The following CCDC125 variants were observed in gnomAD, a reference collection of about 807,000 sequenced individuals.
CCDC125 encodes coiled-coil domain-containing protein 125.
Under a neutral mutation model 57.4 loss-of-function variants are expected in CCDC125, and 43 were observed. The observed-to-expected ratio is 0.75, with a 90% CI of 0.59 to 0.97. The LOEUF is 0.97. CCDC125 is among the 50% of genes least tolerant of loss of function. CCDC125 has a pLI of 0.00. For synonymous variants in CCDC125, 187 were observed against 195.2 expected (o/e 0.96, Z 0.35); for missense variants, 563 against 595.7 (o/e 0.95, Z 0.57).
At chr5:69,316,137 C>A (rs4478268) in intron 2 of CCDC125, among the ~76,000 whole-genome samples, 59,170 of 152,010 alleles carry the variant, frequency 0.39, 12,095 homozygotes, top group East Asian at 0.49. Context: ...ATACAGGCTT[C>A]CAAGGAGGGC....
At chr5:69,279,844 C>CT (rs1752382053), downstream of CCDC125, among the ~76,000 whole-genome samples, 1 of 68,918 alleles carries the variant, frequency 1.5e-5, no homozygotes, top group South Asian at 5.3e-4. Context: ...AAGAATACTA[C>CT]CCAAGACTCA....
rs1579919831 is a variant in CCDC125, at chr5:69,282,818, A to C, written c.1447T>G (p.Cys483Gly). The C allele has an allele frequency of 3.1e-6, 5 of 1,613,984 alleles. 1 individual carries two copies. In the East Asian group the frequency reaches 1.1e-4, roughly 36 times the overall value. ...SSVCILNSVGCICSIQHSQID... is the reference protein window; with the variant it reads ...SSVCILNSVGGICSIQHSQID... Reference sequence around the variant, plus strand: ...TGAGAGTGCTGGATTGAACAAATGCAGCCCACAGAATTTAAAATGCAGACA... The same window carrying C: ...TGAGAGTGCTGGATTGAACAAATGCCGCCCACAGAATTTAAAATGCAGACA... The change falls in exon 12 of 12, where the codon TGC becomes GGC. Residue 483 changes from cysteine (C) to glycine (G), a missense_variant. Cys to Gly is a radical substitution (Grantham distance 159). Transcript: ENST00000396496.
In CCDC125 at chr5:69,292,311, A is replaced by C; in HGVS notation, c.976T>G (p.Phe326Val). Reference protein sequence around the residue: ...KEEAYVMADAFRIAFEQQLMR... With the variant: ...KEEAYVMADAVRIAFEQQLMR... Reference sequence around the variant, plus strand: ...AATTGTTGCTCAAATGCAATTCTGAAAGCATCTGCCATCACGTAAGCTTCT... The same window carrying C: ...AATTGTTGCTCAAATGCAATTCTGACAGCATCTGCCATCACGTAAGCTTCT... Residue 326 changes from phenylalanine (F) to valine (V), a missense_variant, in exon 10 of 12, where the codon TTC becomes GTC. Transcript: ENST00000396496. 6.2e-7 allele frequency: 1 copy of C among 1,613,880 alleles called. No individual in the cohort carries two copies. Among genetic ancestry groups the C allele is most frequent in the Non-Finnish European group, 8.5e-7 (1 of 1,179,930 alleles).
intron 2 of CCDC125, among the ~76,000 whole-genome samples, chr5:69,314,539 T>C (rs1242130684): frequency 6.6e-6 from 1 of 151,780 alleles, no homozygotes; most frequent in African/African-American, 2.4e-5. Flanking sequence ...AAAAGACATA[T>C]ACTGTACTTT....
At chr5:69,331,402 T>G (rs1262135109) in intron 1 of CCDC125, among the ~76,000 whole-genome samples, 1 of 151,878 alleles carries the variant, frequency 6.6e-6, no homozygotes, top group Non-Finnish European at 1.5e-5. Context: ...CCGGCTAATA[T>G]TTGTATTTTT....
chr5:69,277,176 C>CA, downstream of CCDC125: 1 of 1,454,686 alleles, frequency 6.9e-7, no homozygotes, highest in Non-Finnish European at 9.4e-7. Flanking sequence ...GGGAAATAGC[C>CA]AAAAAGGCAA....
chr5:69,308,518 G>A, intron 4 of CCDC125: 2 of 182,742 alleles, frequency 1.1e-5, no homozygotes, highest in South Asian at 2.3e-4. Flanking sequence ...TCTTGCTGCT[G>A]CCATGTTATA....
intron 2 of CCDC125, among the ~76,000 whole-genome samples, chr5:69,316,186 T>A (rs918204066): frequency 2.0e-5 from 3 of 152,222 alleles, no homozygotes; most frequent in Non-Finnish European, 4.4e-5. Flanking sequence ...TTCTGTTCTA[T>A]TAATACTTGT....
the CCDC125 span, among the ~76,000 whole-genome samples, chr5:69,274,816 A>G: frequency 1.3e-5 from 2 of 152,078 alleles, no homozygotes; most frequent in African/African-American, 4.8e-5. Flanking sequence ...GGGTTTCACC[A>G]TGTTATCGAG....
In CCDC125 at chr5:69,315,681, C is replaced by T. The variant is rs868627416; in HGVS notation, c.305-1635G>A. On this transcript the variant is annotated intron_variant, in intron 2 of 11. Coordinates refer to ENST00000396496, the MANE Select transcript of CCDC125 (RefSeq NM_176816.5). ...GCTGAGGCATGAGAATCGCTTGAAC[C>T]CGGGAGTCAAAGGTTGCAGTGCACA... Among the ~76,000 whole-genome samples, 11 of 146,312 alleles carry T rather than the reference C, an allele frequency of 7.5e-5. 1 individual carries two copies. The Middle Eastern group carries it at 0.015, about 202-fold the overall frequency.
intron 10 of CCDC125, among the ~76,000 whole-genome samples, chr5:69,290,116 A>G (rs1266549446): frequency 6.6e-6 from 1 of 151,834 alleles, no homozygotes; most frequent in Non-Finnish European, 1.5e-5. Flanking sequence ...TTCTATTTCT[A>G]TCATCCCTCT....
At chr5:69,295,601 T>C (rs1316702375) in intron 8 of CCDC125, among the ~76,000 whole-genome samples, 1 of 152,182 alleles carries the variant, frequency 6.6e-6, no homozygotes, top group Non-Finnish European at 1.5e-5. Context: ...TCTGCTTCCA[T>C]CACTGACCTC....
intron 10 of CCDC125, among the ~76,000 whole-genome samples, chr5:69,290,790 C>T (rs553781772): frequency 5.9e-5 from 9 of 151,578 alleles, no homozygotes; most frequent in Non-Finnish European, 8.8e-5. Context: ...CGACCAAGCC[C>T]GGCTAATTTT....
At chr5:69,278,505 G>T (rs973185985), downstream of CCDC125, among the ~76,000 whole-genome samples, 2 of 151,850 alleles carry the variant, frequency 1.3e-5, no homozygotes, top group Non-Finnish European at 2.9e-5. Flanking sequence ...GAGCCACCGC[G>T]CCCAGCCAAT....
intron 1 of CCDC125, among the ~76,000 whole-genome samples, chr5:69,327,155 C>T (rs1407295380): frequency 1.4e-5 from 2 of 147,984 alleles, no homozygotes; most frequent in African/African-American, 5.0e-5. Context: ...AGTGCCCTGG[C>T]GAGATCTCGG....
At chr5:69,327,190 G>A (rs1432418335) in intron 1 of CCDC125, among the ~76,000 whole-genome samples, 1 of 151,162 alleles carries the variant, frequency 6.6e-6, no homozygotes, top group African/African-American at 2.4e-5. Flanking sequence ...CGCCTCCCGG[G>A]TTCATGCCAG....
At chr5:69,311,082 T>A (rs761622067) in intron 4 of CCDC125, 36 bp downstream of exon 4, 1 of 1,321,618 alleles carries the variant, frequency 7.6e-7, no homozygotes, top group Non-Finnish European at 1.1e-6. Context: ...ATTATTGGAA[T>A]GTGTAAATGG....
At position 69,282,778 on chromosome 5, in the gene CCDC125, T is replaced by C. The variant is rs771411085; in HGVS notation, c.1487A>G (p.Tyr496Cys). The C allele has an allele frequency of 3.8e-5, 61 of 1,611,684 alleles. No homozygotes were observed. The highest frequency in any genetic ancestry group is 5.6e-5 in the South Asian group (5 of 90,060). ...AGAATGGGATCTTTTAAGAGTTCTATAGTTTGGATCTATTTGAGAGTGCTG... is the reference window on the plus strand; with the variant it reads ...AGAATGGGATCTTTTAAGAGTTCTACAGTTTGGATCTATTTGAGAGTGCTG... ...SIQHSQIDPN[Y>C]RTLKRSHSLP... Residue 496 changes from tyrosine (Y) to cysteine (C), a missense_variant, in exon 12 of 12, where the codon TAT becomes TGT. By Grantham distance (194) the Tyr-to-Cys change is radical (BLOSUM62 -2). Coordinates refer to ENST00000396496, the MANE Select transcript of CCDC125 (RefSeq NM_176816.5).
chr5:69,286,235 A>ATATATATTTTTT (rs1753415691), intron 10 of CCDC125, among the ~76,000 whole-genome samples: 1 of 38,314 alleles, frequency 2.6e-5, no homozygotes, highest in Non-Finnish European at 5.4e-5. Context: ...TATATATATA[A>ATATATATTTTTT]TTTTTTTTTT....
Sources: allele counts gnomAD v4.1 joint callset (sites outside exome capture counted in the v4.1 genomes callset), GRCh38; gene constraint gnomAD v4.1.1; transcripts MANE v1.5; gene names NCBI Gene and HGNC (gene_info 2026-07-23, HGNC 2026-07-21).